ADAM2: variants seen among roughly 807,000 people sequenced by gnomAD.
ADAM2 encodes the protein disintegrin and metalloproteinase domain-containing protein 2.
In ADAM2, 101 loss-of-function variants were observed where a neutral mutation model predicts 99.3. The observed-to-expected ratio is 1.02, with a 90% CI of 0.87 to 1.20. The LOEUF (loss-of-function observed/expected upper bound fraction) is 1.20, where lower values mean the gene tolerates loss of function less well. Among genes scored for constraint, ADAM2 ranks in the 50% most tolerant of loss-of-function variants. ADAM2 has a pLI of 0.00. For synonymous variants in ADAM2, 323 were observed against 287.6 expected, an observed-to-expected ratio of 1.12 and a Z score of -1.25; for missense variants, 948 against 878.7, an observed-to-expected ratio of 1.08 and a Z score of -1.00.
chr8:39,764,812 G>A (rs890960088), intron 14 of ADAM2, among the ~76,000 whole-genome samples: 11 of 152,134 alleles, frequency 7.2e-5, no homozygotes, highest in African/African-American at 2.6e-4. Context: ...TCAGGAGTTC[G>A]AGACCAGCCT....
chr8:39,800,983 T>C (rs1804183296), intron 7 of ADAM2, among the ~76,000 whole-genome samples: 1 of 152,214 alleles, frequency 6.6e-6, no homozygotes, highest in Non-Finnish European at 1.5e-5. Flanking sequence ...CTCCTTTAGC[T>C]AATCATAGTT....
chr8:39,785,679 C>G (rs1355792351), intron 10 of ADAM2, among the ~76,000 whole-genome samples: 1 of 151,758 alleles, frequency 6.6e-6, no homozygotes, highest in Non-Finnish European at 1.5e-5. Flanking sequence ...ACCTGTAATC[C>G]CAGCTACTTG....
chr8:39,802,553 C>T (rs948666476), intron 7 of ADAM2, among the ~76,000 whole-genome samples: 3 of 152,184 alleles, frequency 2.0e-5, no homozygotes, highest in African/African-American at 7.2e-5. Context: ...TGACCCTTCA[C>T]ACTCACATCT....
rs1403213346 is a variant in ADAM2 at position 39,746,645 on chromosome 8, A to C, written c.2015-14T>G. ...TGTAGCGCCTTTCTAGAAGAAAAAA[A>C]AATCAAAGATTTGAAAGCAAGCACC... On this transcript the variant is annotated splice_polypyrimidine_tract_variant and intron_variant, in intron 18 of 20. Transcript: ENST00000265708. 5 of 1,552,908 alleles carry C rather than the reference A, an allele frequency of 3.2e-6. No homozygotes were observed. The highest frequency in any genetic ancestry group is 1.4e-5 in the African/African-American group (1 of 70,826).
At chr8:39,744,959 T>C (rs562025559) in intron 19 of ADAM2, 66 bp from the exon 20 acceptor site, 3 of 1,294,684 alleles carry the variant, frequency 2.3e-6, no homozygotes, top group South Asian at 2.6e-5. Context: ...CTCTGTATTA[T>C]CTGTCAGTCT....
In ADAM2 at chr8:39,815,368, T is replaced by G. The variant is rs543862564; in HGVS notation, c.513+5634A>C. Reference sequence around the variant, plus strand: ...AATAAGGTTATAGGATCTTTCTGTTTAGAATTATAAGGATGGAACTCAAGT... The same window carrying G: ...AATAAGGTTATAGGATCTTTCTGTTGAGAATTATAAGGATGGAACTCAAGT... On this transcript the variant is annotated intron_variant, in intron 6 of 20. Transcript: ENST00000265708. Among the ~76,000 whole-genome samples, 16 of 152,278 alleles carry G rather than the reference T, an allele frequency of 1.1e-4. No homozygotes were observed. In the South Asian group the frequency reaches 3.3e-3, roughly 32 times the overall value.
chr8:39,806,857 T>C (rs1198993792), intron 7 of ADAM2, among the ~76,000 whole-genome samples: 1 of 152,174 alleles, frequency 6.6e-6, no homozygotes, highest in Non-Finnish European at 1.5e-5. Context: ...AAACACTGCC[T>C]GTTTTAACTG....
chr8:39,748,643 T>G (rs1472096927), intron 18 of ADAM2, among the ~76,000 whole-genome samples: 3 of 152,156 alleles, frequency 2.0e-5, no homozygotes, highest in Admixed American at 1.3e-4. Flanking sequence ...ATCTAGGCTT[T>G]TCCTCTGCTT....
At chr8:39,781,922 C>T (rs796179700) in intron 10 of ADAM2, among the ~76,000 whole-genome samples, 10 of 152,122 alleles carry the variant, frequency 6.6e-5, no homozygotes, top group South Asian at 2.1e-4. Flanking sequence ...AGCGATATGG[C>T]GACTTGATCT....
In ADAM2 at chr8:39,797,331, T is replaced by C. The variant is rs573302922; in HGVS notation, c.571-8591A>G. Among the ~76,000 whole-genome samples, 7 of 152,312 alleles carry C rather than the reference T, an allele frequency of 4.6e-5. No homozygotes were observed. In the East Asian group the frequency reaches 1.4e-3, roughly 29 times the overall value. ...ATCCTTTCCTCATTGCTTGTTTTTG[T>C]CAGGATTGTCAAAGACCAGATGGTT... On this transcript the variant is annotated intron_variant, in intron 7 of 20. Transcript: ENST00000265708.
chr8:39,762,667 C>G (rs1480968770), intron 14 of ADAM2, among the ~76,000 whole-genome samples: 1 of 152,076 alleles, frequency 6.6e-6, no homozygotes, highest in East Asian at 1.9e-4. Flanking sequence ...GTTGAAAGAC[C>G]TTTACAGCAG....
At chr8:39,838,055 G>T in intron 1 of ADAM2, 76 bp downstream of exon 1, 1 of 1,487,460 alleles carries the variant, frequency 6.7e-7, no homozygotes, top group Non-Finnish European at 9.4e-7. Context: ...TCCCAGGGAT[G>T]TCAATGTAAC....
At chr8:39,755,940 T>G in intron 15 of ADAM2, 29 bp from the exon 16 acceptor site, 1 of 1,203,768 alleles carries the variant, frequency 8.3e-7, no homozygotes, top group South Asian at 1.5e-5. Flanking sequence ...TAAAAATTAT[T>G]AATTTTAATT....
Position 39,769,467 on chromosome 8 carries a change from A to C in ADAM2, c.1137T>G (p.Pro379=). 1.2e-6 allele frequency: 2 copies of C among 1,613,864 alleles called. No individual in the cohort carries two copies. The highest frequency in any genetic ancestry group is 1.7e-6 in the Non-Finnish European group (2 of 1,179,738). The change falls in exon 12 of 21, where the codon CCT becomes CCG. Residue 379 remains proline, a synonymous_variant. Coordinates refer to ENST00000265708, the MANE Select transcript of ADAM2 (RefSeq NM_001464.5). The stretch of plus-strand genomic sequence containing the variant: ...CACACACTGCTTGCTGTTTGAAAAA[A>C]GGATCTAAGCGAGGCTGATTGTGAA... The part of the protein sequence containing the change: ...QCLHNQPRLD[P]FFKQQAVCGN...
At chr8:39,791,817 A>G (rs756323672) in intron 7 of ADAM2, among the ~76,000 whole-genome samples, 15 of 152,060 alleles carry the variant, frequency 9.9e-5, no homozygotes, top group Non-Finnish European at 1.8e-4. Context: ...TCTTATATGC[A>G]AAGGTAAAAA....
intron 11 of ADAM2, among the ~76,000 whole-genome samples, chr8:39,771,801 A>G (rs1802790298): frequency 6.6e-6 from 1 of 152,148 alleles, no homozygotes; most frequent in East Asian, 1.9e-4. Context: ...TCTAAATACA[A>G]GGAACCATAT....
intron 3 of ADAM2, among the ~76,000 whole-genome samples, chr8:39,825,755 A>G (rs534675825): frequency 6.6e-6 from 1 of 152,280 alleles, no homozygotes; most frequent in East Asian, 1.9e-4. Context: ...TACTTCATCA[A>G]TAGAAAAGGA....
intron 3 of ADAM2, among the ~76,000 whole-genome samples, chr8:39,831,060 T>C (rs1023360259): frequency 6.6e-6 from 1 of 152,132 alleles, no homozygotes; most frequent in Non-Finnish European, 1.5e-5. Flanking sequence ...TGCCTCAATC[T>C]TGGACTTCCC....
At chr8:39,821,481 A>G (rs1805185832) in intron 5 of ADAM2, 105 bp downstream of exon 5, 1 of 875,202 alleles carries the variant, frequency 1.1e-6, no homozygotes, top group African/African-American at 1.7e-5. Flanking sequence ...GTTTTCCACA[A>G]TAGTCATGCC....
Sources: allele counts gnomAD v4.1 joint callset (sites outside exome capture counted in the v4.1 genomes callset), GRCh38; gene constraint gnomAD v4.1.1; transcripts MANE v1.5; gene names NCBI Gene and HGNC (gene_info 2026-07-23, HGNC 2026-07-21).